ERC1: variants seen among roughly 807,000 people sequenced by gnomAD.
ERC1 encodes the protein ELKS/RAB6-interacting/CAST family member 1, also known as RAB6 interacting protein 2.
ERC1 carries 56 observed loss-of-function variants against 132.0 expected under a neutral mutation model. The ratio of observed to expected loss-of-function variants is 0.42; its 90% confidence interval spans 0.34 to 0.53. The LOEUF (loss-of-function observed/expected upper bound fraction) is 0.53. Ranked by LOEUF, ERC1 falls within the 20% of genes least tolerant of loss-of-function variation. The pLI is 0.03. For synonymous variants in ERC1, 478 were observed against 476.1 expected (o/e 1.00, Z -0.05); for missense variants, 1,202 against 1,349.9 (o/e 0.89, Z 1.72).
intron 14 of ERC1, 90 bp downstream of exon 14, chr12:1,263,255 G>A (rs1294223252): frequency 7.5e-7 from 1 of 1,328,030 alleles, no homozygotes; most frequent in African/African-American, 1.4e-5. Context: ...TATACATATT[G>A]TATGTTTATA....
intron 8 of ERC1, among the ~76,000 whole-genome samples, chr12:1,155,427 G>T (rs1346710009): frequency 2.0e-5 from 3 of 151,522 alleles, no homozygotes; most frequent in Non-Finnish European, 4.4e-5. Flanking sequence ...CTATGATATG[G>T]AATCAACCTA....
rs2085831702 is a variant in ERC1 at position 1,359,169 on chromosome 12, T to G, written c.2781-12664T>G. On this transcript the variant is annotated intron_variant, in intron 15 of 18. Coordinates refer to ENST00000360905, the MANE Select transcript of ERC1 (RefSeq NM_178040.4). Reference sequence around the variant, plus strand: ...AGGGAAAAGTAGGCTCAGTCGAGGCTTTCTCCCTGAGGATCAGTAATTGTA... The same window carrying G: ...AGGGAAAAGTAGGCTCAGTCGAGGCGTTCTCCCTGAGGATCAGTAATTGTA... Among the ~76,000 whole-genome samples the G allele has an allele frequency of 2.0e-5, 3 of 152,182 alleles. No individual in the cohort carries two copies. The South Asian group carries it at 6.2e-4, about 32-fold the overall frequency.
chr12:1,435,908 T>C (rs1592042790), intron 17 of ERC1, among the ~76,000 whole-genome samples: 1 of 152,164 alleles, frequency 6.6e-6, no homozygotes, highest in South Asian at 2.1e-4. Flanking sequence ...TAACTCTTCT[T>C]CCCTGCCACC....
intron 12 of ERC1, among the ~76,000 whole-genome samples, chr12:1,234,982 G>A (rs1313754994): frequency 6.6e-6 from 1 of 152,186 alleles, no homozygotes; most frequent in Non-Finnish European, 1.5e-5. Context: ...GTCGTTTTAG[G>A]GGAATATCTT....
chr12:1,394,444 G>C (rs143180464), intron 16 of ERC1, among the ~76,000 whole-genome samples: 1 of 152,024 alleles, frequency 6.6e-6, no homozygotes. Flanking sequence ...TCTTGTTTTC[G>C]TGGCCTCTGT....
intron 1 of ERC1, among the ~76,000 whole-genome samples, chr12:1,000,760 TAAAAC>T (rs1161594852): frequency 3.3e-5 from 5 of 152,094 alleles, no homozygotes; most frequent in South Asian, 4.1e-4. Flanking sequence ...GATTCTGTCT[TAAAAC>T]AAAAAAAATT....
At chr12:1,112,703 G>A (rs56229104) in intron 6 of ERC1, among the ~76,000 whole-genome samples, 7,208 of 152,228 alleles carry the variant, frequency 0.047, 254 homozygotes, top group Middle Eastern at 0.099. Context: ...AAACTCTTGA[G>A]CAAAGTGCTT....
chr12:1,419,250 A>G (rs1188328236), intron 17 of ERC1, among the ~76,000 whole-genome samples: 1 of 152,090 alleles, frequency 6.6e-6, no homozygotes, highest in African/African-American at 2.4e-5. Flanking sequence ...GTAGCAATGT[A>G]TGTATGTTGG....
chr12:1,036,842 A>G (rs1470714620), intron 2 of ERC1, among the ~76,000 whole-genome samples: 1 of 152,238 alleles, frequency 6.6e-6, no homozygotes, highest in Admixed American at 6.5e-5. Context: ...TGCCCAGATA[A>G]GTTTAATCTT....
At chr12:1,335,698 A>G (rs768240165) in intron 15 of ERC1, among the ~76,000 whole-genome samples, 1 of 151,624 alleles carries the variant, frequency 6.6e-6, no homozygotes, top group Non-Finnish European at 1.5e-5. Flanking sequence ...TTTTTGTTTT[A>G]TCTCTGCCAG....
intron 8 of ERC1, among the ~76,000 whole-genome samples, chr12:1,154,213 G>GTATATGTATATGTATATGTA (rs1951103924): frequency 1.4e-5 from 2 of 142,900 alleles, no homozygotes; most frequent in Admixed American, 7.2e-5. Context: ...GTGTGTGTGT[G>GTATATGTATATGTATATGTA]TATGTATATG....
chr12:1,157,851 A>T (rs986157860), intron 8 of ERC1, among the ~76,000 whole-genome samples: 1 of 152,356 alleles, frequency 6.6e-6, no homozygotes, highest in Admixed American at 6.5e-5. Flanking sequence ...CTAAAAAACC[A>T]TCATGCAGAA....
chr12:1,207,853 A>T (rs1341502362), intron 12 of ERC1, among the ~76,000 whole-genome samples: 6 of 152,228 alleles, frequency 3.9e-5, no homozygotes, highest in Non-Finnish European at 4.4e-5. Context: ...TTGAGTTTTT[A>T]TAGAGTTGCC....
Position 1,193,337 on chromosome 12 carries a change from C to T in ERC1, c.2351+3285C>T, listed in dbSNP as rs1227184367. ...ACATCTATAAATATAAAATATTTTC[C>T]CCAATTAAATCTTAAGAAGTAGTAC... On this transcript the variant is annotated intron_variant, in intron 12 of 18. Transcript: ENST00000360905. Among the ~76,000 whole-genome samples the T allele has an allele frequency of 2.6e-5, 4 of 151,686 alleles. No homozygotes were observed. In the East Asian group the frequency reaches 7.7e-4, roughly 29 times the overall value.
chr12:1,405,246 G>A (rs1009340809), intron 16 of ERC1, among the ~76,000 whole-genome samples: 2 of 149,428 alleles, frequency 1.3e-5, no homozygotes, highest in African/African-American at 2.4e-5. Flanking sequence ...GTCTCTGGGG[G>A]TCCTCCCAGA....
chr12:1,463,359 T>C (rs898303947), intron 18 of ERC1, among the ~76,000 whole-genome samples: 22 of 152,080 alleles, frequency 1.4e-4, no homozygotes, highest in Non-Finnish European at 2.9e-4. Context: ...AGTAGCCAAA[T>C]GGATGTAGCT....
At chr12:1,025,877 C>T (rs1223418154) in intron 1 of ERC1, among the ~76,000 whole-genome samples, 1 of 149,742 alleles carries the variant, frequency 6.7e-6, no homozygotes, top group Non-Finnish European at 1.5e-5. Context: ...CGGCTCACTG[C>T]AATGTCTGCC....
At chr12:1,039,270 G>A (rs949267058) in intron 2 of ERC1, among the ~76,000 whole-genome samples, 2 of 151,178 alleles carry the variant, frequency 1.3e-5, no homozygotes, top group Non-Finnish European at 2.9e-5. Flanking sequence ...CCGGGAGGCG[G>A]AGTTTGCAGT....
chr12:1,380,101 T>G (rs1192777482), intron 16 of ERC1: 4 of 152,330 alleles, frequency 2.6e-5, no homozygotes, highest in African/African-American at 9.6e-5. Context: ...TCCACCATAC[T>G]ATACAGTGTA....
Sources: allele counts gnomAD v4.1 joint callset (sites outside exome capture counted in the v4.1 genomes callset), GRCh38; gene constraint gnomAD v4.1.1; transcripts MANE v1.5; gene names NCBI Gene and HGNC (gene_info 2026-07-23, HGNC 2026-07-21).